PI15: variants seen among roughly 807,000 people sequenced by gnomAD.
PI15 encodes peptidase inhibitor 15.
In PI15, 18 loss-of-function variants were observed where a neutral mutation model predicts 31.0. The observed-to-expected ratio is 0.58, with a 90% CI of 0.40 to 0.86. The LOEUF is 0.86. Among genes scored for constraint, PI15 ranks in the 40% least tolerant of loss-of-function variants. The probability of loss-of-function intolerance (pLI) is 0.00; values close to 1 mark genes in which losing one functional copy is unlikely to be tolerated. For synonymous variants in PI15, 118 were observed against 119.1 expected (o/e 0.99, Z 0.06); for missense variants, 282 against 328.1 (o/e 0.86, Z 1.09).
intron 5 of PI15, 40 bp from the exon 6 acceptor site, chr8:74,849,078 T>C (rs777248249): frequency 1.3e-6 from 2 of 1,581,198 alleles, no homozygotes; most frequent in East Asian, 2.3e-5. Flanking sequence ...AAAAAATGGG[T>C]GGGTTGCACT....
At chr8:74,841,025 T>C (rs1279272115) in intron 2 of PI15, among the ~76,000 whole-genome samples, 4 of 152,172 alleles carry the variant, frequency 2.6e-5, no homozygotes, top group Non-Finnish European at 5.9e-5. Flanking sequence ...ACATACCCAA[T>C]ATTTAGCTTT....
chr8:74,831,411 T>G (rs1261367687), intron 2 of PI15, among the ~76,000 whole-genome samples: 1 of 152,178 alleles, frequency 6.6e-6, no homozygotes. Context: ...ACAGAGAATA[T>G]GCAGTGACTA....
At chr8:74,840,101 T>A (rs981386241) in intron 2 of PI15, among the ~76,000 whole-genome samples, 7 of 152,134 alleles carry the variant, frequency 4.6e-5, no homozygotes, top group African/African-American at 1.7e-4. Flanking sequence ...ATTTTTAAAA[T>A]TTTTTATTGA....
chr8:74,832,712 C>A, intron 2 of PI15, among the ~76,000 whole-genome samples: 1 of 152,012 alleles, frequency 6.6e-6, no homozygotes, highest in East Asian at 1.9e-4. Context: ...GCAACCTAGA[C>A]TGAGGCTTGG....
chr8:74,847,941 G>A (rs529134598), intron 5 of PI15, among the ~76,000 whole-genome samples: 71 of 151,882 alleles, frequency 4.7e-4, no homozygotes, highest in African/African-American at 1.6e-3. Flanking sequence ...TCTTCACATT[G>A]CTGTCTATAT....
chr8:74,845,352 C>G, intron 4 of PI15, 30 bp from the exon 5 acceptor site: 1 of 1,592,260 alleles, frequency 6.3e-7, no homozygotes, highest in Non-Finnish European at 8.6e-7. Context: ...GCTCTGACTT[C>G]TGTAACAGTT....
chr8:74,832,903 G>A (rs1442952250), intron 2 of PI15, among the ~76,000 whole-genome samples: 2 of 152,186 alleles, frequency 1.3e-5, no homozygotes, highest in African/African-American at 4.8e-5. Context: ...GTCCAAAAGT[G>A]TTACTCAAGG....
intron 2 of PI15, among the ~76,000 whole-genome samples, chr8:74,827,074 CA>C (rs566886699): frequency 6.6e-6 from 1 of 151,944 alleles, no homozygotes; most frequent in Non-Finnish European, 1.5e-5. Context: ...CATAATATCC[CA>C]ACTATGAGTT....
chr8:74,830,863 AG>A (rs1181153696), intron 2 of PI15, among the ~76,000 whole-genome samples: 1 of 152,168 alleles, frequency 6.6e-6, no homozygotes, highest in Non-Finnish European at 1.5e-5. Flanking sequence ...AGGCCTCCTG[AG>A]GGCCTCTGCC....
chr8:74,843,586 G>A (rs1810975323), intron 2 of PI15, among the ~76,000 whole-genome samples: 1 of 152,144 alleles, frequency 6.6e-6, no homozygotes, highest in East Asian at 1.9e-4. Flanking sequence ...AAATTTGGCC[G>A]GATGTGGTAG....
intron 2 of PI15, among the ~76,000 whole-genome samples, chr8:74,833,889 C>T (rs1247492719): frequency 6.6e-6 from 1 of 152,224 alleles, no homozygotes; most frequent in East Asian, 1.9e-4. Flanking sequence ...CATCTGTGGC[C>T]TGTTAGAAAC....
rs115312765 is a variant in PI15, at chr8:74,841,365, G to A, written c.274-2616G>A. Among the ~76,000 whole-genome samples, 828 of 152,224 alleles carry A rather than the reference G, an allele frequency of 5.4e-3. 7 individuals carry two copies. The highest frequency in any genetic ancestry group is 0.019 in the African/African-American group (793 of 41,540). On this transcript the variant is annotated intron_variant, in intron 2 of 5. Transcript: ENST00000260113. ...AATCACAAGAAGTTAAAGATGAAAG[G>A]GACCCTGGAGATGCCCTCATTCAAT...
At position 74,845,492 on chromosome 8, in the gene PI15, C is replaced by G; in HGVS notation, c.636C>G (p.Ala212=). 3 of 1,590,370 alleles carry G rather than the reference C, an allele frequency of 1.9e-6. No homozygotes were observed. Among genetic ancestry groups the G allele is most frequent in the Non-Finnish European group, 2.6e-6 (3 of 1,158,580 alleles). ...CAGTTTACTTGGTATGCAACTATGC[C>G]CCAAAGTAAGTACCAGGTTGGATTC... ...RRAVYLVCNY[A]PKGNWIGEAP... Residue 212 remains alanine (A), a synonymous_variant, in exon 5 of 6, where the codon GCC becomes GCG. Transcript: ENST00000260113.
chr8:74,848,274 AC>A (rs1352972956), intron 5 of PI15, among the ~76,000 whole-genome samples: 1 of 152,124 alleles, frequency 6.6e-6, no homozygotes, highest in African/African-American at 2.4e-5. Flanking sequence ...GAGAGACATT[AC>A]TCTCTTATGA....
intron 5 of PI15, among the ~76,000 whole-genome samples, chr8:74,846,270 T>C (rs1038665183): frequency 2.0e-5 from 3 of 152,216 alleles, no homozygotes; most frequent in Non-Finnish European, 4.4e-5. Context: ...GCATTACTCA[T>C]TTATGTGGTA....
chr8:74,839,757 C>T (rs1433908825), intron 2 of PI15, among the ~76,000 whole-genome samples: 2 of 152,120 alleles, frequency 1.3e-5, no homozygotes, highest in African/African-American at 4.8e-5. Context: ...ATTTACTAGG[C>T]ATTTCACAGA....
chr8:74,845,447 G>T lies in PI15; in HGVS notation c.591G>T (p.Trp197Cys). Residue 197 changes from tryptophan (W) to cysteine (C), a missense_variant, in exon 5 of 6, where the codon TGG becomes TGT. Physicochemically the swap from Trp to Cys is radical, Grantham distance 215. Transcript: ENST00000260113. ...ATACTTGCCAAAACATGAATGTTTG[G>T]GGATCTGTGTGGCGACGTGCAGTTT... ...AIHTCQNMNVWGSVWRRAVYL... is the reference protein window; with the variant it reads ...AIHTCQNMNVCGSVWRRAVYL... 1.2e-6 allele frequency: 2 copies of T among 1,614,034 alleles called. No homozygotes were observed. Among genetic ancestry groups the T allele is most frequent in the Non-Finnish European group, 1.7e-6 (2 of 1,179,958 alleles).
At chr8:74,835,480 G>A (rs565303785) in intron 2 of PI15, among the ~76,000 whole-genome samples, 25 of 152,136 alleles carry the variant, frequency 1.6e-4, no homozygotes, top group Admixed American at 2.6e-4. Context: ...TCCAAACCAA[G>A]TTGAGAAAAA....
rs894286530 is a variant in PI15 at position 74,845,280 on chromosome 8, T to C, written c.525+20T>C. The C allele has an allele frequency of 6.2e-7, 1 of 1,610,386 alleles. No individual in the cohort carries two copies. The highest frequency in any genetic ancestry group is 1.7e-5 in the Admixed American group (1 of 60,008). On this transcript the variant is annotated intron_variant, in intron 4 of 5. Transcript: ENST00000260113. Reference sequence around the variant, plus strand: ...ACGCAGGTTATTTCAATTACCTTGTTAATTTTTGATTCATACTTTTAAAAT... The same window carrying C: ...ACGCAGGTTATTTCAATTACCTTGTCAATTTTTGATTCATACTTTTAAAAT...
Sources: gnomAD v4.1 joint callset for allele counts (sites outside exome capture counted in the v4.1 genomes callset) on GRCh38, gnomAD v4.1.1 for gene constraint, MANE v1.5 for transcripts, NCBI Gene and HGNC (gene_info 2026-07-23, HGNC 2026-07-21) for gene names.